The following AIG1 variants were observed in gnomAD, a reference collection of about 807,000 sequenced individuals.
AIG1 encodes the protein androgen induced 1.
AIG1 carries 23 observed loss-of-function variants against 31.4 expected under a neutral mutation model. The observed-to-expected ratio is 0.73, with a 90% CI of 0.53 to 1.04. The LOEUF is 1.04. Among genes scored for constraint, AIG1 ranks in the 50% least tolerant of loss-of-function variants. The pLI, the probability that AIG1 is intolerant of heterozygous loss-of-function variation, is 0.00. For synonymous variants in AIG1, 100 were observed against 110.5 expected (o/e 0.90, Z 0.60); for missense variants, 274 against 295.0 (o/e 0.93, Z 0.52).
intron 3 of AIG1, among the ~76,000 whole-genome samples, chr6:143,170,090 T>C: frequency 6.6e-6 from 1 of 152,144 alleles, no homozygotes; most frequent in African/African-American, 2.4e-5. Flanking sequence ...ATCATGGTAA[T>C]GCTGGCATCA....
chr6:143,068,709 C>T (rs1028800006), intron 1 of AIG1, among the ~76,000 whole-genome samples: 1 of 152,090 alleles, frequency 6.6e-6, no homozygotes, highest in Non-Finnish European at 1.5e-5. Context: ...CCCTAATTTT[C>T]CTTGCATCTT....
intron 4 of AIG1, among the ~76,000 whole-genome samples, chr6:143,307,403 G>A (rs1215771536): frequency 1.3e-5 from 2 of 152,326 alleles, no homozygotes; most frequent in East Asian, 3.9e-4. Context: ...CTGTTTGTTA[G>A]TTTTCCTTCT....
At chr6:143,249,846 T>C (rs181419942) in intron 3 of AIG1, among the ~76,000 whole-genome samples, 33 of 152,318 alleles carry the variant, frequency 2.2e-4, no homozygotes, top group Non-Finnish European at 3.8e-4. Context: ...TTCCGTATTA[T>C]GCACCTCCAT....
At position 143,288,238 on chromosome 6, in the gene AIG1, C is replaced by T. The variant is rs988297907; in HGVS notation, c.515+4013C>T. Among the ~76,000 whole-genome samples, 4 of 152,194 alleles carry T rather than the reference C, an allele frequency of 2.6e-5. No homozygotes were observed. The highest frequency in any genetic ancestry group is 2.6e-4 in the Admixed American group (4 of 15,282). On this transcript the variant is annotated intron_variant, in intron 4 of 5. Coordinates refer to ENST00000357847, the MANE Select transcript of AIG1 (RefSeq NM_016108.4). This position sits in a 1 kb window ranked among gnomAD's most constrained non-coding sequence, Gnocchi z 4.4. Reference sequence around the variant, plus strand: ...AAGATACAGAAAGAGGAAACCAACTCAGACCCTAGGAAATGTACACCCTCA... The same window carrying T: ...AAGATACAGAAAGAGGAAACCAACTTAGACCCTAGGAAATGTACACCCTCA...
intron 2 of AIG1, among the ~76,000 whole-genome samples, chr6:143,150,131 A>G (rs1246928103): frequency 6.6e-6 from 1 of 152,232 alleles, no homozygotes; most frequent in African/African-American, 2.4e-5. Context: ...TTTTAAATTT[A>G]TAATTGATTC....
intron 1 of AIG1, among the ~76,000 whole-genome samples, chr6:143,128,478 A>G (rs1007200143): frequency 3.3e-5 from 5 of 152,216 alleles, no homozygotes; most frequent in Non-Finnish European, 7.3e-5. Flanking sequence ...ACTTCATTTC[A>G]GCATGCAACG....
intron 1 of AIG1, among the ~76,000 whole-genome samples, chr6:143,090,178 A>G (rs536936901): frequency 6.6e-6 from 1 of 152,282 alleles, no homozygotes; most frequent in African/African-American, 2.4e-5. Flanking sequence ...TTTGCAGCCT[A>G]GTTCTGCCTC....
intron 3 of AIG1, among the ~76,000 whole-genome samples, chr6:143,224,593 C>G (rs1446446270): frequency 1.3e-5 from 2 of 152,172 alleles, no homozygotes; most frequent in African/African-American, 4.8e-5. Context: ...AATAATTATT[C>G]CATGACCCTC....
chr6:143,225,573 A>C (rs562681298), intron 3 of AIG1, among the ~76,000 whole-genome samples: 2 of 152,340 alleles, frequency 1.3e-5, no homozygotes, highest in African/African-American at 4.8e-5. Flanking sequence ...TTGACAGTAA[A>C]GATTCTAAAA....
At chr6:143,069,636 G>A (rs986233120) in intron 1 of AIG1, among the ~76,000 whole-genome samples, 1 of 152,070 alleles carries the variant, frequency 6.6e-6, no homozygotes, top group Non-Finnish European at 1.5e-5. Flanking sequence ...TGTGAAGTTT[G>A]CCCATTTAAA....
Position 143,268,937 on chromosome 6 carries a change from A to G in AIG1, c.400-15173A>G, listed in dbSNP as rs773699998. Among the ~76,000 whole-genome samples, 2 of 152,174 alleles carry G rather than the reference A, an allele frequency of 1.3e-5. No homozygotes were observed. Among genetic ancestry groups the G allele is most frequent in the Non-Finnish European group, 2.9e-5 (2 of 68,024 alleles). On this transcript the variant is annotated intron_variant, in intron 3 of 5. Coordinates refer to ENST00000357847, the MANE Select transcript of AIG1 (RefSeq NM_016108.4). The surrounding 1 kb of genome is among the most constrained non-coding windows in gnomAD (Gnocchi z 5.0). ...AGACCCCCTTCCTGTGGCAGCCCTCATCCCATAACTGGTCCATGCTGGGGT... is the reference window on the plus strand; with the variant it reads ...AGACCCCCTTCCTGTGGCAGCCCTCGTCCCATAACTGGTCCATGCTGGGGT...
At chr6:143,163,207 C>T (rs1320006797) in intron 2 of AIG1, among the ~76,000 whole-genome samples, 1 of 152,106 alleles carries the variant, frequency 6.6e-6, no homozygotes, top group Non-Finnish European at 1.5e-5. Flanking sequence ...ACATGATCAG[C>T]CCTAATTGGT....
chr6:143,261,871 T>C (rs1376295752), intron 3 of AIG1, among the ~76,000 whole-genome samples: 1 of 152,242 alleles, frequency 6.6e-6, no homozygotes, highest in African/African-American at 2.4e-5. Context: ...TTTTTCCTCA[T>C]TGATTTTGGT....
At chr6:143,204,156 T>A (rs1483007268) in intron 3 of AIG1, among the ~76,000 whole-genome samples, 1 of 152,202 alleles carries the variant, frequency 6.6e-6, no homozygotes, top group African/African-American at 2.4e-5. Flanking sequence ...CCTCAAAACT[T>A]ACTGGCTTTA....
In AIG1 at chr6:143,338,058, A is replaced by C; in HGVS notation, c.680-1581A>C. 5.0e-6 allele frequency: 2 copies of C among 398,658 alleles called. No individual in the cohort carries two copies. Among genetic ancestry groups the C allele is most frequent in the Non-Finnish European group, 8.8e-6 (2 of 226,110 alleles). The allele number at this position is 398,658 out of a possible 1,614,324, so 24.7% of individuals were successfully genotyped here. On this transcript the variant is annotated intron_variant, in intron 5 of 5. Coordinates refer to ENST00000357847, the MANE Select transcript of AIG1 (RefSeq NM_016108.4). This position sits in a 1 kb window ranked among gnomAD's most constrained non-coding sequence, Gnocchi z 4.3. ...CCCCGTTCTCCACCCGCGCTTTTGA[A>C]GATTCCAGCACTGCTGCCAAGTCAA...
chr6:143,170,901 A>G (rs1469378903), intron 3 of AIG1, among the ~76,000 whole-genome samples: 1 of 152,046 alleles, frequency 6.6e-6, no homozygotes, highest in African/African-American at 2.4e-5. Flanking sequence ...TCAGATGAAA[A>G]AGGAAGAAAA....
At chr6:143,075,147 CTTCATTGCTGATATGGGTAAT>C (rs1206845880) in intron 1 of AIG1, among the ~76,000 whole-genome samples, 1 of 152,172 alleles carries the variant, frequency 6.6e-6, no homozygotes, top group Non-Finnish European at 1.5e-5. Flanking sequence ...GATAATCATA[CTTCATTGCTGATATGGGTAAT>C]TTGTGCCTTA....
intron 3 of AIG1, among the ~76,000 whole-genome samples, chr6:143,202,686 T>A (rs1790797954): frequency 6.6e-6 from 1 of 152,102 alleles, no homozygotes; most frequent in Non-Finnish European, 1.5e-5. Context: ...CTGCATTCCC[T>A]CGTGCCCCTG....
Position 143,313,429 on chromosome 6 carries a change from C to T in AIG1, c.516-19853C>T, listed in dbSNP as rs141570538. On this transcript the variant is annotated intron_variant, in intron 4 of 5. Transcript: ENST00000357847. The stretch of plus-strand genomic sequence containing the variant: ...ACATGGATGGAACCTTAGGTCATTA[C>T]GTTAAGTGAAATAAGCCAGGCGCGG... Among the ~76,000 whole-genome samples, 153 of 152,100 alleles carry T rather than the reference C, an allele frequency of 1.0e-3. 1 individual carries two copies. The highest frequency in any genetic ancestry group is 3.2e-3 in the African/African-American group (134 of 41,496).
Sources: allele counts gnomAD v4.1 joint callset (sites outside exome capture counted in the v4.1 genomes callset), GRCh38; gene constraint gnomAD v4.1.1; non-coding constraint Gnocchi (gnomAD v3.1); transcripts MANE v1.5; gene names NCBI Gene and HGNC (gene_info 2026-07-23, HGNC 2026-07-21).